Variants in ADGRB3 observed in about 807,000 individuals in gnomAD.
ADGRB3 encodes the protein adhesion G protein-coupled receptor B3, also known as brain-specific angiogenesis inhibitor 3.
Under a neutral mutation model 193.4 loss-of-function variants are expected in ADGRB3, and 37 were observed. The ratio of observed to expected loss-of-function variants is 0.19; its 90% CI spans 0.15 to 0.25. The LOEUF (loss-of-function observed/expected upper bound fraction) is 0.25. Ranked by LOEUF, ADGRB3 falls within the 10% of genes least tolerant of loss-of-function variation. ADGRB3 has a pLI of 1.00. For missense variants in ADGRB3, 1,637 were observed against 1,852.9 expected, an observed-to-expected ratio of 0.88 and a Z score of 2.14; for synonymous variants, 690 against 644.2, an observed-to-expected ratio of 1.07 and a Z score of -1.08.
intron 3 of ADGRB3, among the ~76,000 whole-genome samples, chr6:68,872,546 T>C (rs191712148): frequency 3.3e-3 from 502 of 152,240 alleles, no homozygotes; most frequent in Admixed American, 3.6e-3. Context: ...CCTTAAGTAA[T>C]AGTGTTATTA....
At chr6:69,178,783 C>A (rs1775502510) in intron 17 of ADGRB3, among the ~76,000 whole-genome samples, 1 of 152,160 alleles carries the variant, frequency 6.6e-6, no homozygotes, top group Non-Finnish European at 1.5e-5. Context: ...GTCCCTCAGT[C>A]TCTATTGGTT....
At chr6:69,299,576 G>A (rs544256630) in intron 20 of ADGRB3, among the ~76,000 whole-genome samples, 4 of 151,966 alleles carry the variant, frequency 2.6e-5, no homozygotes, top group South Asian at 2.1e-4. Context: ...AGAGATAGGG[G>A]TCTAGTTTCA....
At chr6:69,173,218 A>C (rs1775333360) in intron 17 of ADGRB3, among the ~76,000 whole-genome samples, 1 of 152,118 alleles carries the variant, frequency 6.6e-6, no homozygotes. Context: ...TTGTATTTTT[A>C]GTAGAGATGG....
chr6:68,950,995 C>T (rs753571264), intron 6 of ADGRB3, among the ~76,000 whole-genome samples: 1 of 152,172 alleles, frequency 6.6e-6, no homozygotes, highest in Non-Finnish European at 1.5e-5. Context: ...GGCTTCTGCA[C>T]AGCATCTGAA....
intron 17 of ADGRB3, among the ~76,000 whole-genome samples, chr6:69,102,187 A>C (rs1773078638): frequency 6.6e-6 from 1 of 151,918 alleles, no homozygotes; most frequent in African/African-American, 2.4e-5. Context: ...CAAAAAAAAA[A>C]AAAAAAAAGA....
At chr6:69,368,715 A>G (rs1769640294) in intron 29 of ADGRB3, among the ~76,000 whole-genome samples, 1 of 152,056 alleles carries the variant, frequency 6.6e-6, no homozygotes, top group Non-Finnish European at 1.5e-5. Flanking sequence ...AAATAAGAAG[A>G]CTGAGAGCTG....
At chr6:69,045,282 A>G (rs955154781) in intron 13 of ADGRB3, among the ~76,000 whole-genome samples, 4 of 152,180 alleles carry the variant, frequency 2.6e-5, no homozygotes, top group Admixed American at 2.0e-4. Flanking sequence ...CTCATCTATT[A>G]CTAAGGGATC....
At chr6:69,328,870 A>T (rs904670687) in intron 22 of ADGRB3, among the ~76,000 whole-genome samples, 1 of 152,164 alleles carries the variant, frequency 6.6e-6, no homozygotes, top group Non-Finnish European at 1.5e-5. Context: ...AATTATTGGT[A>T]TACATCTATT....
intron 29 of ADGRB3, among the ~76,000 whole-genome samples, chr6:69,364,118 G>A (rs1213871777): frequency 6.6e-6 from 1 of 151,962 alleles, no homozygotes; most frequent in Non-Finnish European, 1.5e-5. Context: ...GCACAGCAGA[G>A]GATGGCCAAG....
At chr6:69,036,540 T>TAA (rs1282789221) in intron 13 of ADGRB3, among the ~76,000 whole-genome samples, 4 of 152,014 alleles carry the variant, frequency 2.6e-5, no homozygotes, top group Non-Finnish European at 5.9e-5. Flanking sequence ...TTTTGGAATT[T>TAA]AAAGTCTAGC....
intron 3 of ADGRB3, among the ~76,000 whole-genome samples, chr6:68,853,657 A>G (rs1270778445): frequency 6.6e-6 from 1 of 152,028 alleles, no homozygotes; most frequent in East Asian, 1.9e-4. Context: ...ATCTGGGAAT[A>G]TTTTCAGAAT....
At chr6:68,642,708 C>T (rs1768108941) in intron 3 of ADGRB3, among the ~76,000 whole-genome samples, 1 of 147,158 alleles carries the variant, frequency 6.8e-6, no homozygotes, top group African/African-American at 2.5e-5. Flanking sequence ...TGAAAGCCAA[C>T]TAAGTTAACA....
intron 3 of ADGRB3, among the ~76,000 whole-genome samples, chr6:68,819,658 A>G (rs1767711023): frequency 6.6e-6 from 1 of 152,178 alleles, no homozygotes; most frequent in East Asian, 1.9e-4. Flanking sequence ...AAAACTTACT[A>G]TTTCCCCATG....
intron 17 of ADGRB3, among the ~76,000 whole-genome samples, chr6:69,128,093 G>T (rs1247474571): frequency 6.6e-6 from 1 of 152,060 alleles, no homozygotes; most frequent in Non-Finnish European, 1.5e-5. Flanking sequence ...TACTCTCTTT[G>T]CAGTGAGAAA....
At chr6:69,249,771 AAT>A (rs1554183780) in intron 20 of ADGRB3, among the ~76,000 whole-genome samples, 17 of 152,356 alleles carry the variant, frequency 1.1e-4, no homozygotes, top group African/African-American at 4.1e-4. Flanking sequence ...AATAAAAAAA[AAT>A]AAGCAGATTA....
rs202212137 is a variant in ADGRB3, at chr6:69,233,271, C to A, written c.2481-19C>A. The stretch of plus-strand genomic sequence containing the variant: ...GGCGTATTTATCCCGATTTCCTCCC[C>A]CCTCACTCCCCTTTGCAGGAACGAG... On this transcript the variant is annotated intron_variant, in intron 17 of 31. Coordinates refer to ENST00000370598, the MANE Select transcript of ADGRB3 (RefSeq NM_001704.3). 8.8e-4 allele frequency: 1,410 copies of A among 1,611,260 alleles called. 1 individual carries two copies. The highest frequency in any genetic ancestry group is 3.5e-3 in the Admixed American group (207 of 59,620).
intron 20 of ADGRB3, among the ~76,000 whole-genome samples, chr6:69,255,799 A>T (rs1488072613): frequency 6.6e-6 from 1 of 152,056 alleles, no homozygotes; most frequent in African/African-American, 2.4e-5. Flanking sequence ...CTGAATGGTA[A>T]TGCCTAGGTT....
In ADGRB3 at chr6:69,360,858, C is replaced by T; in HGVS notation, c.3596-11C>T. The T allele has an allele frequency of 1.3e-6, 2 of 1,570,344 alleles. No homozygotes were observed. Among genetic ancestry groups the T allele is most frequent in the Non-Finnish European group, 1.7e-6 (2 of 1,160,152 alleles). On this transcript the variant is annotated splice_polypyrimidine_tract_variant and intron_variant, in intron 28 of 31. Transcript: ENST00000370598. The stretch of plus-strand genomic sequence containing the variant: ...AACTCTCTTTCTTCAACTTTACATT[C>T]CTACTCACAGTTCTTCATAAGGATA...
At chr6:69,371,238 G>T (rs1473711094) in intron 29 of ADGRB3, among the ~76,000 whole-genome samples, 2 of 152,052 alleles carry the variant, frequency 1.3e-5, no homozygotes, top group African/African-American at 4.8e-5. Flanking sequence ...TGGGGATTAG[G>T]TATACAGTGA....
Sources: gnomAD v4.1 joint callset for allele counts (sites outside exome capture counted in the v4.1 genomes callset) on GRCh38, gnomAD v4.1.1 for gene constraint, MANE v1.5 for transcripts, NCBI Gene and HGNC (gene_info 2026-07-23, HGNC 2026-07-21) for gene names.